Variants in GNA14 observed in about 807,000 individuals in gnomAD.
GNA14 encodes the protein guanine nucleotide-binding protein subunit alpha-14.
A neutral mutation model predicts 42.0 loss-of-function variants in GNA14; 50 were observed. The ratio of observed to expected loss-of-function variants is 1.19; its 90% CI spans 0.95 to 1.51. The LOEUF (loss-of-function observed/expected upper bound fraction) is 1.51. Among genes scored for constraint, GNA14 ranks in the 40% most tolerant of loss-of-function variants. GNA14 has a pLI of 0.00. For synonymous variants in GNA14, 173 were observed against 163.1 expected (o/e 1.06, Z -0.46); for missense variants, 473 against 446.2 (o/e 1.06, Z -0.54).
At chr9:77,506,043 C>T (rs953126599) in intron 2 of GNA14, among the ~76,000 whole-genome samples, 1 of 151,538 alleles carries the variant, frequency 6.6e-6, no homozygotes, top group African/African-American at 2.4e-5. Flanking sequence ...GTGGGAGGAT[C>T]ACTTGAGGCC....
intron 1 of GNA14, among the ~76,000 whole-genome samples, chr9:77,623,278 G>GAAAAA (rs1823962002): frequency 1.2e-5 from 1 of 83,110 alleles, no homozygotes; most frequent in Non-Finnish European, 2.8e-5. Context: ...AAAAAAATTT[G>GAAAAA]AAATGGTAAA....
chr9:77,459,421 A>G (rs28519606), intron 2 of GNA14, among the ~76,000 whole-genome samples: 26,987 of 151,902 alleles, frequency 0.18, 2,474 homozygotes, highest in Non-Finnish European at 0.2. Context: ...GGGTAATCCA[A>G]GCAAAATGAC....
intron 2 of GNA14, among the ~76,000 whole-genome samples, chr9:77,439,790 T>C (rs981995043): frequency 6.6e-6 from 1 of 152,144 alleles, no homozygotes; most frequent in African/African-American, 2.4e-5. Context: ...CAAGGGACCC[T>C]CATGCGCTGT....
At chr9:77,553,275 G>A (rs957832010) in intron 1 of GNA14, among the ~76,000 whole-genome samples, 1 of 152,120 alleles carries the variant, frequency 6.6e-6, no homozygotes, top group Non-Finnish European at 1.5e-5. Flanking sequence ...GAGAGTAAGG[G>A]AAGGAATGTT....
At chr9:77,602,586 C>T (rs1823584307) in intron 1 of GNA14, among the ~76,000 whole-genome samples, 1 of 152,022 alleles carries the variant, frequency 6.6e-6, no homozygotes, top group South Asian at 2.1e-4. Context: ...TAGCATTCTC[C>T]TCTCTCCTCC....
intron 1 of GNA14, among the ~76,000 whole-genome samples, chr9:77,566,698 T>C (rs1822973831): frequency 6.6e-6 from 1 of 152,188 alleles, no homozygotes; most frequent in Admixed American, 6.5e-5. Context: ...GGAATGACAA[T>C]ACAACTCTAA....
intron 1 of GNA14, among the ~76,000 whole-genome samples, chr9:77,558,719 G>C (rs1822829453): frequency 6.6e-6 from 1 of 152,138 alleles, no homozygotes; most frequent in Non-Finnish European, 1.5e-5. Context: ...TAAAAGGCTA[G>C]GGTGGGGTAG....
At chr9:77,458,452 A>G (rs1234381312) in intron 2 of GNA14, among the ~76,000 whole-genome samples, 3 of 152,178 alleles carry the variant, frequency 2.0e-5, no homozygotes, top group Non-Finnish European at 4.4e-5. Flanking sequence ...GACTGGTGAG[A>G]AGACCCCATC....
At position 77,425,583 on chromosome 9, in the gene GNA14, TA is replaced by T. The variant is rs748312580; in HGVS notation, c.855del (p.Ser286AlafsTer21). ...LEEKIMYSHL[I>X]SYFPEYTGPK... ...TTACCTGTGTATTCTGGGAAATAGC[TA>T]ATTAGATGAGAGTACATGATTTTCT... On this transcript the variant is annotated frameshift_variant, in exon 6 of 7. Transcript: ENST00000341700. LOFTEE classifies it high-confidence loss of function. The T allele has an allele frequency of 5.0e-6, 8 of 1,607,036 alleles. No homozygotes were observed. Among genetic ancestry groups the T allele is most frequent in the Non-Finnish European group, 5.1e-6 (6 of 1,175,768 alleles).
chr9:77,487,669 T>A (rs1212058508), intron 2 of GNA14, among the ~76,000 whole-genome samples: 1 of 152,144 alleles, frequency 6.6e-6, no homozygotes, highest in South Asian at 2.1e-4. Flanking sequence ...AACACACACA[T>A]ACACACACCA....
At chr9:77,641,655 A>C (rs1243476191) in intron 1 of GNA14, among the ~76,000 whole-genome samples, 1 of 152,190 alleles carries the variant, frequency 6.6e-6, no homozygotes, top group Non-Finnish European at 1.5e-5. Context: ...GTTCCAGATT[A>C]AAGAAACTAA....
At chr9:77,440,210 C>T (rs563051538) in intron 2 of GNA14, among the ~76,000 whole-genome samples, 1 of 152,364 alleles carries the variant, frequency 6.6e-6, no homozygotes, top group South Asian at 2.1e-4. Context: ...AGATGTCCTC[C>T]ATGTGTGTTT....
intron 1 of GNA14, among the ~76,000 whole-genome samples, chr9:77,572,024 G>C (rs531052481): frequency 6.6e-6 from 1 of 152,072 alleles, no homozygotes; most frequent in Non-Finnish European, 1.5e-5. Context: ...TTCAATTGAG[G>C]AGCAACTGAA....
chr9:77,490,842 T>C (rs527541522), intron 2 of GNA14, among the ~76,000 whole-genome samples: 183 of 152,314 alleles, frequency 1.2e-3, no homozygotes, highest in African/African-American at 4.1e-3. Flanking sequence ...AGTGCAGTGG[T>C]GGGCTGAAGG....
intron 1 of GNA14, among the ~76,000 whole-genome samples, chr9:77,556,135 TC>T (rs1486398076): frequency 3.9e-5 from 6 of 152,210 alleles, no homozygotes; most frequent in African/African-American, 1.4e-4. Context: ...TCCCAGCTAC[TC>T]AGGAGGCTGA....
chr9:77,544,220 G>A (rs557085320), intron 1 of GNA14, among the ~76,000 whole-genome samples: 3 of 152,218 alleles, frequency 2.0e-5, no homozygotes, highest in East Asian at 3.9e-4. Context: ...AAAATACAGA[G>A]AATCTTAAGA....
chr9:77,570,832 G>A (rs1310372345), intron 1 of GNA14, among the ~76,000 whole-genome samples: 1 of 151,576 alleles, frequency 6.6e-6, no homozygotes, highest in Non-Finnish European at 1.5e-5. Flanking sequence ...TAAAGTCGAT[G>A]TATCATTTTA....
rs771793779 is a variant in GNA14, at chr9:77,423,896, G to A, written c.*83C>T. ...TAGTTCCTGGCATGGGGCTGGCTCT[G>A]GTGATGTCAGAAGCACTTGCAAATA... is the stretch of plus-strand genomic sequence containing the variant. On this transcript the variant is annotated 3_prime_UTR_variant, in exon 7 of 7. Transcript: ENST00000341700. 248 of 943,044 alleles carry A rather than the reference G, an allele frequency of 2.6e-4. No individual in the cohort carries two copies. Among genetic ancestry groups the A allele is most frequent in the Non-Finnish European group, 3.7e-4 (232 of 628,406 alleles). 58.4% of individuals were successfully genotyped at this position (943,044 alleles called of 1,614,324 possible). A position where few individuals can be genotyped will look rare whatever the true frequency, so the allele number is the denominator to read the frequency against.
chr9:77,457,815 A>T (rs1409427214), intron 2 of GNA14, among the ~76,000 whole-genome samples: 1 of 152,120 alleles, frequency 6.6e-6, no homozygotes, highest in Non-Finnish European at 1.5e-5. Flanking sequence ...AAGCTTACAG[A>T]TTTTTAAATA....
Sources: gnomAD v4.1 joint callset for allele counts (sites outside exome capture counted in the v4.1 genomes callset) on GRCh38, gnomAD v4.1.1 for gene constraint, MANE v1.5 for transcripts, NCBI Gene and HGNC (gene_info 2026-07-23, HGNC 2026-07-21) for gene names.